PLEKHG4B: variants seen among roughly 807,000 people sequenced by gnomAD.
PLEKHG4B encodes pleckstrin homology domain-containing family G member 4B.
A neutral mutation model predicts 121.3 loss-of-function variants in PLEKHG4B; 111 were observed. The ratio of observed to expected loss-of-function variants is 0.92; its 90% CI spans 0.78 to 1.07. The LOEUF (loss-of-function observed/expected upper bound fraction) is 1.07. Ranked by LOEUF, PLEKHG4B falls within the 50% of genes least tolerant of loss-of-function variation. PLEKHG4B has a pLI of 0.00. For synonymous variants in PLEKHG4B, 738 were observed against 725.0 expected, an observed-to-expected ratio of 1.02 and a Z score of -0.29; for missense variants, 1,831 against 1,757.8, an observed-to-expected ratio of 1.04 and a Z score of -0.74.
In PLEKHG4B at chr5:102,722, C is replaced by T. The variant is rs552908542; in HGVS notation, c.45+10446C>T. Among the ~76,000 whole-genome samples the T allele has an allele frequency of 8.5e-5, 13 of 152,318 alleles. No homozygotes were observed. In the South Asian group the frequency reaches 1.0e-3, roughly 12 times the overall value. On this transcript the variant is annotated intron_variant, in intron 1 of 19. Coordinates refer to ENST00000637938, the MANE Select transcript of PLEKHG4B (RefSeq NM_052909.5). ...CTTTTCTTTATAAATTATCTAGTCT[C>T]GAGTATCTCTTTATAGCAGTGTGAG... is the stretch of plus-strand genomic sequence containing the variant.
intron 1 of PLEKHG4B, among the ~76,000 whole-genome samples, chr5:111,402 A>G (rs1328154407): frequency 6.6e-6 from 1 of 152,186 alleles, no homozygotes; most frequent in East Asian, 1.9e-4. Context: ...CCCAGTCACC[A>G]TGGAATCAGG....
intron 2 of PLEKHG4B, among the ~76,000 whole-genome samples, chr5:123,265 A>G (rs958392632): frequency 3.3e-5 from 5 of 152,224 alleles, no homozygotes; most frequent in Non-Finnish European, 1.5e-5. Context: ...AGAGATAACT[A>G]GAAACTCACA....
At position 143,433 on chromosome 5, in the gene PLEKHG4B, C is replaced by T; in HGVS notation, c.1741C>T (p.Leu581Phe). 6.2e-7 allele frequency: 1 copy of T among 1,612,916 alleles called. No individual in the cohort carries two copies. Among genetic ancestry groups the T allele is most frequent in the Non-Finnish European group, 8.5e-7 (1 of 1,179,998 alleles). Residue 581 changes from leucine (L) to phenylalanine (F), a missense_variant, in exon 5 of 20, where the codon CTC (leucine) becomes TTC (phenylalanine). Transcript: ENST00000637938. ...GGTGCAGGTCCGCACCAGGAGCCTGCTCTGGACCAGGGAACACTCGTCCTG... is the reference window on the plus strand; with the variant it reads ...GGTGCAGGTCCGCACCAGGAGCCTGTTCTGGACCAGGGAACACTCGTCCTG... The part of the protein sequence containing the change: ...AVVQVRTRSL[L>F]WTREHSSCAE...
chr5:164,443 A>T (rs1291256094), intron 13 of PLEKHG4B, among the ~76,000 whole-genome samples: 1 of 146,244 alleles, frequency 6.8e-6, no homozygotes, highest in Non-Finnish European at 1.5e-5. Context: ...ATGCTGTGAC[A>T]GGGGGCGGGG....
At chr5:122,806 A>G (rs981139039) in intron 2 of PLEKHG4B, among the ~76,000 whole-genome samples, 20 of 152,238 alleles carry the variant, frequency 1.3e-4, no homozygotes, top group Non-Finnish European at 2.8e-4. Context: ...TATGTGGTGG[A>G]TTAATATCAG....
intron 18 of PLEKHG4B, among the ~76,000 whole-genome samples, chr5:179,022 G>A (rs1270410101): frequency 6.6e-6 from 1 of 152,028 alleles, no homozygotes; most frequent in Non-Finnish European, 1.5e-5. Context: ...TTGATCCTTG[G>A]TGGAACCTGT....
chr5:158,537 G>T (rs906150746), intron 11 of PLEKHG4B, among the ~76,000 whole-genome samples: 7 of 140,184 alleles, frequency 5.0e-5, no homozygotes, highest in Admixed American at 1.4e-4. Context: ...ATCCCAGGGG[G>T]TCTCCCCCAT....
intron 13 of PLEKHG4B, among the ~76,000 whole-genome samples, chr5:168,561 A>C (rs976646823): frequency 6.6e-6 from 1 of 152,176 alleles, no homozygotes. Flanking sequence ...CACTGCTGGA[A>C]GTGTTTGAGT....
chr5:136,718 A>G (rs1281948229), intron 2 of PLEKHG4B, among the ~76,000 whole-genome samples: 1 of 152,208 alleles, frequency 6.6e-6, no homozygotes, highest in Non-Finnish European at 1.5e-5. Context: ...CTGGGAAACA[A>G]GTGCTTGGAA....
chr5:111,644 C>T (rs531605613), intron 1 of PLEKHG4B, among the ~76,000 whole-genome samples: 5 of 151,970 alleles, frequency 3.3e-5, no homozygotes, highest in Admixed American at 3.3e-4. Flanking sequence ...CTGCAGAATA[C>T]GTCTCTCCCG....
chr5:125,783 G>A (rs1213573498), intron 2 of PLEKHG4B, among the ~76,000 whole-genome samples: 1 of 152,144 alleles, frequency 6.6e-6, no homozygotes, highest in Admixed American at 6.5e-5. Flanking sequence ...TCTGCAGGGT[G>A]GGTCTAGTGG....
Position 159,122 on chromosome 5 carries a change from C to G in PLEKHG4B, c.2487+2211C>G, listed in dbSNP as rs1735905156. On this transcript the variant is annotated intron_variant, in intron 11 of 19. Transcript: ENST00000637938. This position sits in a 1 kb window ranked among gnomAD's most constrained non-coding sequence, Gnocchi z 5.5. ...CCTGTCGTCCTCGGGGCTCTGGAAT[C>G]TGAGGGTTGCCCAGGTGCGCTGAGG... Among the ~76,000 whole-genome samples the G allele has an allele frequency of 6.6e-6, 1 of 152,100 alleles. No individual in the cohort carries two copies. Among genetic ancestry groups the G allele is most frequent in the Admixed American group, 6.5e-5 (1 of 15,274 alleles).
In PLEKHG4B at chr5:162,991, C is replaced by A. The variant is rs1179751318; in HGVS notation, c.2919C>A (p.Ser973Arg). Residue 973 changes from serine to arginine, a missense_variant, in exon 13 of 20, where the codon AGC (serine) becomes AGA (arginine). By Grantham distance (110) the Ser-to-Arg change is moderately radical (BLOSUM62 -1). Transcript: ENST00000637938. The stretch of plus-strand genomic sequence containing the variant: ...CCAGCTTACCGCCCCTTGCCCAGAG[C>A]CCCCCAAAGCATGAGCGTGCCCAGG... ...PDPSLPPLAQ[S>R]PPKHERAQEA... The A allele has an allele frequency of 1.9e-6, 3 of 1,567,078 alleles. No homozygotes were observed. Among genetic ancestry groups the A allele is most frequent in the East Asian group, 2.4e-5 (1 of 42,194 alleles).
rs563111509 is a variant in PLEKHG4B, at chr5:108,458, G to A, written c.46-4793G>A. ...GAAGCCTGAGTGGAAAGCAGGGCTG[G>A]TGTAGACAGACTGGGTGCAGATGGC... is the stretch of plus-strand genomic sequence containing the variant. On this transcript the variant is annotated intron_variant, in intron 1 of 19. Transcript: ENST00000637938. 9.2e-5 allele frequency among the ~76,000 whole-genome samples: 14 copies of A among 152,370 alleles called. No homozygotes were observed. The South Asian group carries it at 1.2e-3, about 14-fold the overall frequency.
intron 2 of PLEKHG4B, among the ~76,000 whole-genome samples, chr5:124,322 A>C (rs1443360446): frequency 6.6e-6 from 1 of 152,210 alleles, no homozygotes; most frequent in African/African-American, 2.4e-5. Flanking sequence ...TCCAGCAAAA[A>C]TACCTTTCAA....
In PLEKHG4B at chr5:139,301, G is replaced by A. The variant is rs979943259; in HGVS notation, c.244-182G>A. ...TGACCCCTGAACCAAAGAGCAGCCC[G>A]TGTTTTCTAGTCCTAATGACCTGCT... On this transcript the variant is annotated intron_variant, in intron 2 of 19. Coordinates refer to ENST00000637938, the MANE Select transcript of PLEKHG4B (RefSeq NM_052909.5). This position sits in a 1 kb window ranked among gnomAD's most constrained non-coding sequence, Gnocchi z 5.0. Among the ~76,000 whole-genome samples the A allele has an allele frequency of 1.3e-5, 2 of 152,206 alleles. No homozygotes were observed. Among genetic ancestry groups the A allele is most frequent in the African/African-American group, 4.8e-5 (2 of 41,462 alleles).
chr5:174,693 G>A (rs891789715), intron 18 of PLEKHG4B, among the ~76,000 whole-genome samples: 4 of 152,114 alleles, frequency 2.6e-5, no homozygotes, highest in African/African-American at 9.7e-5. Context: ...CACAGTTATA[G>A]CAGTTTGGTT....
chr5:132,159 C>T (rs1734799221), intron 2 of PLEKHG4B, among the ~76,000 whole-genome samples: 1 of 151,654 alleles, frequency 6.6e-6, no homozygotes, highest in Non-Finnish European at 1.5e-5. Flanking sequence ...TGAAGTTCTT[C>T]CTAGAGGAGT....
chr5:125,246 G>T (rs1403535989), intron 2 of PLEKHG4B, among the ~76,000 whole-genome samples: 1 of 152,158 alleles, frequency 6.6e-6, no homozygotes, highest in African/African-American at 2.4e-5. Flanking sequence ...TGTATGTGCT[G>T]TATAGCTTTT....
Sources: gnomAD v4.1 joint callset for allele counts (sites outside exome capture counted in the v4.1 genomes callset) on GRCh38, gnomAD v4.1.1 for gene constraint, Gnocchi (gnomAD v3.1) non-coding constraint, MANE v1.5 for transcripts, NCBI Gene and HGNC (gene_info 2026-07-23, HGNC 2026-07-21) for gene names.